The following COPS7B variants were observed in gnomAD, a reference collection of about 807,000 sequenced individuals.
COPS7B encodes COP9 signalosome complex subunit 7b.
In COPS7B, 9 loss-of-function variants were observed where a neutral mutation model predicts 33.4. That is an observed-to-expected ratio of 0.27 (90% CI 0.16 to 0.47). The LOEUF (loss-of-function observed/expected upper bound fraction) is 0.47. COPS7B is among the 20% of genes least tolerant of loss of function. The pLI is 0.99. For synonymous variants in COPS7B, 119 were observed against 126.3 expected (o/e 0.94, Z 0.39); for missense variants, 242 against 318.2 (o/e 0.76, Z 1.82).
At chr2:231,796,058 A>G (rs761901610) in intron 4 of COPS7B, 48 bp from the exon 5 acceptor site, 4 of 1,554,914 alleles carry the variant, frequency 2.6e-6, no homozygotes, top group Non-Finnish European at 3.5e-6. Flanking sequence ...CATTTTCGCT[A>G]ATGCTTGCCA....
At chr2:231,785,491 G>A (rs2049219073), upstream of COPS7B, among the ~76,000 whole-genome samples, 2 of 152,004 alleles carry the variant, frequency 1.3e-5, no homozygotes, top group Non-Finnish European at 2.9e-5. Flanking sequence ...TGCTTCCAAA[G>A]TGTTGTCATA....
chr2:231,786,048 A>T (rs1029600512), upstream of COPS7B: 1 of 152,208 alleles, frequency 6.6e-6, no homozygotes, highest in Non-Finnish European at 1.5e-5. Flanking sequence ...GAGATAATGC[A>T]TGTACAGCAC....
At chr2:231,797,786 T>G (rs180765257) in intron 5 of COPS7B, among the ~76,000 whole-genome samples, 89 of 152,270 alleles carry the variant, frequency 5.8e-4, no homozygotes, top group Admixed American at 5.8e-3. Context: ...TTAAAAAAAT[T>G]AATAGTGGGG....
upstream of COPS7B, chr2:231,781,912 C>G (rs1026607693): frequency 6.5e-7 from 1 of 1,543,646 alleles, no homozygotes; most frequent in African/African-American, 1.4e-5. Context: ...AACAAAAACA[C>G]TGATTAAACC....
At position 231,803,446 on chromosome 2, in the gene COPS7B, C is replaced by T. The variant is rs560351824; in HGVS notation, c.637-4041C>T. Among the ~76,000 whole-genome samples, 3 of 152,214 alleles carry T rather than the reference C, an allele frequency of 2.0e-5. No individual in the cohort carries two copies. In the East Asian group the frequency reaches 5.8e-4, roughly 29 times the overall value. ...TGGTATTTCAGAACTAGAGAAAAAA[C>T]CAAGTTTTTCCCTGGGCCAAGTCTT... is the stretch of plus-strand genomic sequence containing the variant. On this transcript the variant is annotated intron_variant, in intron 6 of 6. Transcript: ENST00000350033.
Position 231,798,880 on chromosome 2 carries a change from T to A in COPS7B, c.552T>A (p.Val184=). The change falls in exon 6 of 7, where the codon GTT becomes GTA. Residue 184 remains valine, a synonymous_variant. Transcript: ENST00000350033. ...LHEWCDGCEA[V]LLGIEQQVLR... ...GTAGGTGTGATGGCTGTGAAGCAGT[T>A]CTACTGGGCATCGAGCAGCAAGTTC... 1 of 1,614,180 alleles carries A rather than the reference T, an allele frequency of 6.2e-7. No individual in the cohort carries two copies. The highest frequency in any genetic ancestry group is 8.5e-7 in the Non-Finnish European group (1 of 1,180,022).
chr2:231,784,206 G>A (rs1295337386), upstream of COPS7B, among the ~76,000 whole-genome samples: 1 of 152,062 alleles, frequency 6.6e-6, no homozygotes, highest in Non-Finnish European at 1.5e-5. Context: ...CACTGCCTGG[G>A]CGTGGTGGCT....
At chr2:231,789,342 T>C (rs1224285687) in intron 2 of COPS7B, 1 of 152,324 alleles carries the variant, frequency 6.6e-6, no homozygotes, top group East Asian at 1.9e-4. Flanking sequence ...CAAAGAGATG[T>C]AAAGCAATCT....
chr2:231,786,819 C>G (rs1158186005), intron 1 of COPS7B, among the ~76,000 whole-genome samples: 2 of 152,204 alleles, frequency 1.3e-5, no homozygotes, highest in African/African-American at 4.8e-5. Flanking sequence ...TCCAGTCCAT[C>G]CAAATAGCGC....
At chr2:231,802,233 T>C (rs1470308850) in intron 6 of COPS7B, among the ~76,000 whole-genome samples, 1 of 152,208 alleles carries the variant, frequency 6.6e-6, no homozygotes, top group African/African-American at 2.4e-5. Context: ...GTAGAAAATC[T>C]CCTAGGAGTT....
chr2:231,799,876 C>G (rs918619178), intron 6 of COPS7B, among the ~76,000 whole-genome samples: 2 of 152,122 alleles, frequency 1.3e-5, no homozygotes, highest in African/African-American at 4.8e-5. Context: ...GAGTGATTCT[C>G]TATACTGTTA....
In COPS7B at chr2:231,791,585, T is replaced by A. The variant is rs568756922; in HGVS notation, c.163-148T>A. ...TTTATTTTTTCCCGAAGAACCAGAG[T>A]TGGTAGAGACCCCAGGGGCCAAGTA... On this transcript the variant is annotated intron_variant, in intron 2 of 6. Transcript: ENST00000350033. 3 of 618,940 alleles carry A rather than the reference T, an allele frequency of 4.8e-6. No individual in the cohort carries two copies. In the South Asian group the frequency reaches 6.0e-5, roughly 12 times the overall value. The allele number at this position is 618,940 out of a possible 1,614,324, so 38.3% of individuals were successfully genotyped here.
intron 3 of COPS7B, among the ~76,000 whole-genome samples, chr2:231,793,138 T>A (rs2049466900): frequency 6.6e-6 from 1 of 152,214 alleles, no homozygotes; most frequent in Admixed American, 6.5e-5. Flanking sequence ...AATTTCCTCG[T>A]CTGTAAAGTG....
At chr2:231,806,171 T>A (rs895300341) in intron 6 of COPS7B, among the ~76,000 whole-genome samples, 2 of 152,252 alleles carry the variant, frequency 1.3e-5, no homozygotes, top group East Asian at 3.9e-4. Flanking sequence ...CATTGTTTTG[T>A]CTTTGCATTT....
chr2:231,792,299 C>T (rs529639367), intron 3 of COPS7B: 99 of 301,906 alleles, frequency 3.3e-4, no homozygotes, highest in African/African-American at 2.2e-3. Context: ...TTACACCAGC[C>T]TGGCCAACAT....
rs1225863003 is a variant in COPS7B at position 231,786,465 on chromosome 2, A to T, written c.-90A>T. 8.6e-5 allele frequency: 85 copies of T among 985,804 alleles called. No individual in the cohort carries two copies. Among genetic ancestry groups the T allele is most frequent in the Non-Finnish European group, 1.0e-4 (84 of 830,084 alleles). The allele number at this position is 985,804 out of a possible 1,614,324, so 61.1% of individuals were successfully genotyped here. The stretch of plus-strand genomic sequence containing the variant: ...GCGCCGGACGCCGGGGTGATCATGG[A>T]CGCTTGACAACCTGCGGGCAGGCGC... On this transcript the variant is annotated 5_prime_UTR_variant, in exon 1 of 7. Transcript: ENST00000350033.
chr2:231,786,420 G>T, upstream of COPS7B: 2 of 985,370 alleles, frequency 2.0e-6, no homozygotes, highest in Non-Finnish European at 2.4e-6. Context: ...CACGGGCGAC[G>T]GGTCGGCGGA....
rs770323639 is a variant in COPS7B, at chr2:231,802,268, A to G, written c.636+3304A>G. Among the ~76,000 whole-genome samples the G allele has an allele frequency of 9.1e-4, 139 of 152,314 alleles. 2 individuals are homozygous for G. In the Middle Eastern group the frequency reaches 0.024, roughly 26 times the overall value. Reference sequence around the variant, plus strand: ...TAGTGACAATCTTGAGATTTATACAATGCACCAAAAGTATGCTTCCTGGTA... The same window carrying G: ...TAGTGACAATCTTGAGATTTATACAGTGCACCAAAAGTATGCTTCCTGGTA... On this transcript the variant is annotated intron_variant, in intron 6 of 6. Coordinates refer to ENST00000350033, the MANE Select transcript of COPS7B (RefSeq NM_022730.4).
intron 6 of COPS7B, 115 bp downstream of exon 6, chr2:231,799,079 C>T: frequency 1.2e-6 from 1 of 868,028 alleles, no homozygotes; most frequent in South Asian, 1.6e-5. Flanking sequence ...CAGTCACCAA[C>T]AAGTGGGCCT....
Sources: allele counts gnomAD v4.1 joint callset (sites outside exome capture counted in the v4.1 genomes callset), GRCh38; gene constraint gnomAD v4.1.1; transcripts MANE v1.5; gene names NCBI Gene and HGNC (gene_info 2026-07-23, HGNC 2026-07-21).